Variants in PEX5L observed in about 807,000 individuals in gnomAD.
The protein encoded by PEX5L is peroxisomal biogenesis factor 5 like.
In PEX5L, 30 loss-of-function variants were observed where a neutral mutation model predicts 84.0. That is an observed-to-expected ratio of 0.36 (90% CI 0.27 to 0.48). The LOEUF (loss-of-function observed/expected upper bound fraction) is 0.48, where lower values mean the gene tolerates loss of function less well. Among genes scored for constraint, PEX5L ranks in the 20% least tolerant of loss-of-function variants. The pLI, the probability that PEX5L is intolerant of heterozygous loss-of-function variation, is 0.99. For missense variants in PEX5L, 533 were observed against 754.6 expected, an observed-to-expected ratio of 0.71 and a Z score of 3.44; for synonymous variants, 270 against 283.1, an observed-to-expected ratio of 0.95 and a Z score of 0.46.
intron 1 of PEX5L, among the ~76,000 whole-genome samples, chr3:180,030,938 A>G (rs771963866): frequency 3.3e-5 from 5 of 150,374 alleles, no homozygotes; most frequent in South Asian, 2.1e-4. Flanking sequence ...TTTTTTTTCA[A>G]TGAAATGGCA....
At chr3:180,015,883 T>TTAATA (rs10663141) in intron 1 of PEX5L, among the ~76,000 whole-genome samples, 55,134 of 147,180 alleles carry the variant, frequency 0.37, 12,766 homozygotes, top group African/African-American at 0.67. Context: ...TATATAATAT[T>TTAATA]TAATATATTA....
At chr3:179,983,905 A>C (rs1206496526) in intron 1 of PEX5L, among the ~76,000 whole-genome samples, 3 of 152,086 alleles carry the variant, frequency 2.0e-5, no homozygotes, top group Non-Finnish European at 4.4e-5. Flanking sequence ...GTATGACAAC[A>C]TTGGAAGATA....
intron 4 of PEX5L, chr3:179,880,926 T>G (rs186799089): frequency 3.3e-5 from 5 of 152,236 alleles, no homozygotes; most frequent in Non-Finnish European, 5.9e-5. Context: ...TTGTGAGAGA[T>G]AGAAAATTCA....
intron 1 of PEX5L, among the ~76,000 whole-genome samples, chr3:179,980,864 A>T (rs991986130): frequency 3.9e-5 from 6 of 152,088 alleles, no homozygotes; most frequent in African/African-American, 1.4e-4. Context: ...TCTCTACTAA[A>T]AATACAAAAA....
intron 8 of PEX5L, among the ~76,000 whole-genome samples, chr3:179,832,248 A>T (rs556341347): frequency 1.3e-5 from 2 of 151,998 alleles, no homozygotes; most frequent in Admixed American, 1.3e-4. Context: ...AAAGAGAGAG[A>T]GAGACAGAGA....
At chr3:179,906,095 G>A (rs1397838363) in intron 2 of PEX5L, among the ~76,000 whole-genome samples, 3 of 152,152 alleles carry the variant, frequency 2.0e-5, no homozygotes, top group Non-Finnish European at 4.4e-5. Context: ...GCCGGGTAAA[G>A]ATGCTTAAAA....
chr3:179,941,101 T>C (rs572112756), intron 2 of PEX5L, among the ~76,000 whole-genome samples: 1 of 152,310 alleles, frequency 6.6e-6, no homozygotes, highest in Admixed American at 6.5e-5. Context: ...TAGCAAGTGA[T>C]AGAAGTATGT....
chr3:179,998,695 GGCC>G (rs1240242151), intron 1 of PEX5L, among the ~76,000 whole-genome samples: 4 of 152,190 alleles, frequency 2.6e-5, no homozygotes, highest in Admixed American at 6.5e-5. Context: ...CGATAAAGTG[GGCC>G]ATGGACAGCA....
intron 1 of PEX5L, among the ~76,000 whole-genome samples, chr3:179,996,668 T>C (rs1787916077): frequency 6.6e-6 from 1 of 152,210 alleles, no homozygotes; most frequent in Non-Finnish European, 1.5e-5. Flanking sequence ...AAGAGCCCTG[T>C]AATTGCTCTT....
intron 2 of PEX5L, among the ~76,000 whole-genome samples, chr3:179,965,092 C>G (rs1337079238): frequency 3.9e-5 from 6 of 152,202 alleles, no homozygotes; most frequent in Non-Finnish European, 1.5e-5. Flanking sequence ...ACAATGCTAA[C>G]CACATGGCAT....
Position 179,811,849 on chromosome 3 carries a change from G to T in PEX5L, c.1106C>A (p.Thr369Asn). ...DAEAWQFLGI[T>N]QAENENEQAA... is the part of the protein sequence containing the mutation. ...TTGTTCATTTTCATTCTCCGCCTGG[G>T]TTATCCCGAGGAACTGCCATGCCTA... The change falls in exon 11 of 15, where the codon ACC (threonine) becomes AAC (asparagine). Residue 369 changes from threonine to asparagine, a missense_variant. Physicochemically the swap from Thr to Asn is moderately conservative, Grantham distance 65 (BLOSUM62 0). Transcript: ENST00000467460. 1.2e-6 allele frequency: 2 copies of T among 1,613,900 alleles called. No individual in the cohort carries two copies. Among genetic ancestry groups the T allele is most frequent in the Non-Finnish European group, 1.7e-6 (2 of 1,179,828 alleles).
chr3:179,814,068 G>T (rs560988207), intron 10 of PEX5L, among the ~76,000 whole-genome samples: 89 of 149,578 alleles, frequency 6.0e-4, no homozygotes, highest in African/African-American at 2.1e-3. Flanking sequence ...TGATCCTCCC[G>T]CCTTAGCCTC....
At chr3:180,021,136 G>GCT (rs1025366888) in intron 1 of PEX5L, among the ~76,000 whole-genome samples, 25 of 152,022 alleles carry the variant, frequency 1.6e-4, no homozygotes, top group African/African-American at 5.8e-4. Context: ...GATACCTTCA[G>GCT]CTGGATTTTG....
rs1341742840 is a variant in PEX5L, at chr3:179,798,904, T to C, written c.*2924A>G. On this transcript the variant is annotated 3_prime_UTR_variant, in exon 15 of 15. Transcript: ENST00000467460. ...TGCTACTGATTTCTTGGTGGTGCTCTATTCCTATAAACTGTCACTTTTTTG... is the reference window on the plus strand; with the variant it reads ...TGCTACTGATTTCTTGGTGGTGCTCCATTCCTATAAACTGTCACTTTTTTG... The C allele has an allele frequency of 6.6e-6, 1 of 152,242 alleles. No individual in the cohort carries two copies. Among genetic ancestry groups the C allele is most frequent in the Non-Finnish European group, 1.5e-5 (1 of 68,058 alleles). The allele number at this position is 152,242 out of a possible 1,614,324, so 9.4% of individuals were successfully genotyped here.
intron 1 of PEX5L, among the ~76,000 whole-genome samples, chr3:180,009,822 T>A (rs1789263963): frequency 6.6e-6 from 1 of 152,200 alleles, no homozygotes; most frequent in African/African-American, 2.4e-5. Context: ...TTCACCTCTA[T>A]GTGTCTGGCC....
intron 2 of PEX5L, among the ~76,000 whole-genome samples, chr3:179,952,103 T>C (rs948229508): frequency 2.0e-5 from 3 of 152,220 alleles, no homozygotes; most frequent in African/African-American, 7.2e-5. Context: ...ACTTTGCTTA[T>C]ATTATAGATT....
chr3:179,963,347 T>A lies in PEX5L; in HGVS notation c.93+8247A>T, dbSNP rs145654117. 1.8e-3 allele frequency among the ~76,000 whole-genome samples: 276 copies of A among 152,364 alleles called. 1 individual carries two copies. Among genetic ancestry groups the A allele is most frequent in the African/African-American group, 6.2e-3 (258 of 41,586 alleles). ...ATAAATAACTGCCCTACTCATTTTA[T>A]CAAATGGGGATTTTTTACATTTTAA... is the stretch of plus-strand genomic sequence containing the variant. On this transcript the variant is annotated intron_variant, in intron 2 of 14. Coordinates refer to ENST00000467460, the MANE Select transcript of PEX5L (RefSeq NM_016559.3).
chr3:179,947,450 AAG>A (rs1467905353), intron 2 of PEX5L, among the ~76,000 whole-genome samples: 3 of 152,080 alleles, frequency 2.0e-5, no homozygotes, highest in African/African-American at 7.2e-5. Flanking sequence ...AGCCAAAGAA[AAG>A]AGTTTCAGGG....
At chr3:179,896,575 G>A (rs1301698194) in intron 3 of PEX5L, among the ~76,000 whole-genome samples, 2 of 152,116 alleles carry the variant, frequency 1.3e-5, no homozygotes, top group Non-Finnish European at 2.9e-5. Context: ...TTTTGGACAT[G>A]TGAAAAGATT....
Sources: allele counts gnomAD v4.1 joint callset (sites outside exome capture counted in the v4.1 genomes callset), GRCh38; gene constraint gnomAD v4.1.1; transcripts MANE v1.5; gene names NCBI Gene and HGNC (gene_info 2026-07-23, HGNC 2026-07-21).